GABRA2: variants seen among roughly 807,000 people sequenced by gnomAD.
GABRA2 encodes gamma-aminobutyric acid type A receptor subunit alpha2.
GABRA2 carries 16 observed loss-of-function variants against 48.7 expected under a neutral mutation model. That is an observed-to-expected ratio of 0.33 (90% CI 0.22 to 0.50). GABRA2 has a LOEUF of 0.50. Ranked by LOEUF, GABRA2 falls within the 20% of genes least tolerant of loss-of-function variation. GABRA2 has a pLI of 0.98. For synonymous variants in GABRA2, 185 were observed against 184.5 expected (o/e 1.00, Z -0.02); for missense variants, 275 against 535.6 (o/e 0.51, Z 4.80).
intron 3 of GABRA2, among the ~76,000 whole-genome samples, chr4:46,337,835 A>C (rs2109838529): frequency 6.6e-6 from 1 of 152,096 alleles, no homozygotes; most frequent in South Asian, 2.1e-4. Context: ...AGGTTTGGAA[A>C]GTAAATGGAG....
At chr4:46,355,309 C>A (rs577444386) in intron 3 of GABRA2, among the ~76,000 whole-genome samples, 1 of 152,110 alleles carries the variant, frequency 6.6e-6, no homozygotes, top group African/African-American at 2.4e-5. Flanking sequence ...TTTCAATGCA[C>A]TAAACTATAT....
chr4:46,365,531 G>T (rs1038091653), intron 3 of GABRA2: 1 of 152,012 alleles, frequency 6.6e-6, no homozygotes, highest in Non-Finnish European at 1.5e-5. Context: ...AAAATCAAAA[G>T]GCACATGGGA....
intron 3 of GABRA2, among the ~76,000 whole-genome samples, chr4:46,346,384 G>C (rs1041324655): frequency 6.6e-6 from 1 of 151,572 alleles, no homozygotes; most frequent in African/African-American, 2.4e-5. Context: ...GGTCCATAAA[G>C]GCGGGAAGAG....
chr4:46,288,869 GA>G (rs201333778), intron 8 of GABRA2, among the ~76,000 whole-genome samples: 1 of 140,166 alleles, frequency 7.1e-6, no homozygotes, highest in Non-Finnish European at 1.5e-5. Context: ...AATTTACAAG[GA>G]AAAAAAACAA....
chr4:46,356,615 G>A (rs1205969460), intron 3 of GABRA2, among the ~76,000 whole-genome samples: 3 of 152,144 alleles, frequency 2.0e-5, no homozygotes, highest in Non-Finnish European at 4.4e-5. Flanking sequence ...TGAAGCCTGG[G>A]TCTGCAGACG....
At chr4:46,268,283 G>T (rs1324069380) in intron 8 of GABRA2, among the ~76,000 whole-genome samples, 1 of 151,798 alleles carries the variant, frequency 6.6e-6, no homozygotes, top group Non-Finnish European at 1.5e-5. Flanking sequence ...GAAAAAATTT[G>T]CAAGTCACAC....
chr4:46,259,676 G>T (rs578179410), intron 9 of GABRA2, among the ~76,000 whole-genome samples: 3 of 151,726 alleles, frequency 2.0e-5, no homozygotes, highest in Non-Finnish European at 4.4e-5. Context: ...TCATTTGCTC[G>T]TTGGATTGAC....
At chr4:46,349,553 T>G (rs1427358078) in intron 3 of GABRA2, among the ~76,000 whole-genome samples, 1 of 151,962 alleles carries the variant, frequency 6.6e-6, no homozygotes, top group Non-Finnish European at 1.5e-5. Flanking sequence ...ATCGGTTGCT[T>G]TTGTTTCAAG....
intron 3 of GABRA2, among the ~76,000 whole-genome samples, chr4:46,375,964 A>T (rs558551557): frequency 6.6e-6 from 1 of 152,156 alleles, no homozygotes; most frequent in Non-Finnish European, 1.5e-5. Context: ...ATCATTTCCT[A>T]CTTCTCTAAA....
intron 4 of GABRA2, among the ~76,000 whole-genome samples, chr4:46,322,688 A>G (rs1343840894): frequency 6.6e-6 from 1 of 152,026 alleles, no homozygotes; most frequent in Non-Finnish European, 1.5e-5. Flanking sequence ...TACTTGGAAC[A>G]TAGGAAATAA....
intron 3 of GABRA2, among the ~76,000 whole-genome samples, chr4:46,379,913 C>G (rs1465381384): frequency 6.6e-6 from 1 of 152,188 alleles, no homozygotes; most frequent in Non-Finnish European, 1.5e-5. Context: ...CTCGCCTCCA[C>G]AGTTTTATAT....
chr4:46,282,063 G>A (rs1164593663), intron 8 of GABRA2, among the ~76,000 whole-genome samples: 1 of 152,110 alleles, frequency 6.6e-6, no homozygotes, highest in Non-Finnish European at 1.5e-5. Context: ...TTTGAAGGAG[G>A]TTCTCTTCTA....
intron 4 of GABRA2, among the ~76,000 whole-genome samples, chr4:46,320,158 G>A (rs1048880761): frequency 6.6e-6 from 1 of 151,764 alleles, no homozygotes; most frequent in African/African-American, 2.4e-5. Flanking sequence ...CTAAGTTGTA[G>A]GGCTGAGACT....
intron 8 of GABRA2, 83 bp from the exon 9 acceptor site, chr4:46,262,211 G>T: frequency 9.8e-7 from 1 of 1,017,380 alleles, no homozygotes; most frequent in Non-Finnish European, 1.5e-6. Context: ...TCTCCCTCCA[G>T]CCCCCAAAGC....
Position 46,247,202 on chromosome 4 carries a change from A to C in GABRA2, c.*3106T>G, listed in dbSNP as rs1713874539. 6.6e-6 allele frequency among the ~76,000 whole-genome samples: 1 copy of C among 151,268 alleles called. No individual in the cohort carries two copies. The highest frequency in any genetic ancestry group is 2.4e-5 in the African/African-American group (1 of 41,434). On this transcript the variant is annotated 3_prime_UTR_variant, in exon 10 of 10. Coordinates refer to ENST00000381620, the MANE Select transcript of GABRA2 (RefSeq NM_000807.4). ...AGATTGGCACTTAATAAAATCATTA[A>C]AATTTAAAAAATATATATTAAATGG...
rs1724574302 is a variant in GABRA2, at chr4:46,247,860, G to A, written c.*2448C>T. 6.6e-6 allele frequency among the ~76,000 whole-genome samples: 1 copy of A among 151,076 alleles called. No homozygotes were observed. Among genetic ancestry groups the A allele is most frequent in the African/African-American group, 2.4e-5 (1 of 41,302 alleles). Reference sequence around the variant, plus strand: ...CTTTTGATTTATTTAAACATTAAAAGAAGAAGAAATATGTAAAAAGTACAT... The same window carrying A: ...CTTTTGATTTATTTAAACATTAAAAAAAGAAGAAATATGTAAAAAGTACAT... On this transcript the variant is annotated 3_prime_UTR_variant, in exon 10 of 10. Transcript: ENST00000381620.
intron 4 of GABRA2, among the ~76,000 whole-genome samples, chr4:46,313,678 T>C (rs572881192): frequency 6.6e-6 from 1 of 152,152 alleles, no homozygotes; most frequent in African/African-American, 2.4e-5. Context: ...GTGAATACTG[T>C]TTACAATCCA....
At chr4:46,317,891 A>G (rs1256342971) in intron 4 of GABRA2, among the ~76,000 whole-genome samples, 1 of 151,802 alleles carries the variant, frequency 6.6e-6, no homozygotes, top group Non-Finnish European at 1.5e-5. Context: ...GTAATTTAAA[A>G]TACTGGTCAA....
intron 8 of GABRA2, among the ~76,000 whole-genome samples, chr4:46,273,463 CA>C: frequency 2.2e-5 from 1 of 46,494 alleles, no homozygotes. Context: ...ATAGACCATT[CA>C]TTGCATATAT....
Sources: gnomAD v4.1 joint callset for allele counts (sites outside exome capture counted in the v4.1 genomes callset) on GRCh38, gnomAD v4.1.1 for gene constraint, MANE v1.5 for transcripts, NCBI Gene and HGNC (gene_info 2026-07-23, HGNC 2026-07-21) for gene names.